The following TRAFD1 variants were observed in gnomAD, a reference collection of about 807,000 sequenced individuals.
TRAFD1 encodes the protein TRAF-type zinc finger domain-containing protein 1.
Under a neutral mutation model 65.3 loss-of-function variants are expected in TRAFD1, and 38 were observed. The ratio of observed to expected loss-of-function variants is 0.58; its 90% CI spans 0.45 to 0.76. TRAFD1 has a LOEUF of 0.76. Among genes scored for constraint, TRAFD1 ranks in the 30% least tolerant of loss-of-function variants. The pLI is 0.00. For synonymous variants in TRAFD1, 223 were observed against 257.2 expected, an observed-to-expected ratio of 0.87 and a Z score of 1.27; for missense variants, 631 against 712.6, an observed-to-expected ratio of 0.89 and a Z score of 1.30.
rs1198711563 is a variant in TRAFD1, at chr12:112,148,307, A to C, written c.1158+3A>C. 1 of 1,613,634 alleles carries C rather than the reference A, an allele frequency of 6.2e-7. No individual in the cohort carries two copies. Among genetic ancestry groups the C allele is most frequent in the Non-Finnish European group, 8.5e-7 (1 of 1,179,722 alleles). On this transcript the variant is annotated splice_donor_region_variant and intron_variant, in intron 8 of 11. Coordinates refer to ENST00000412615, the MANE Select transcript of TRAFD1 (RefSeq NM_006700.3). ...AGGAGGTGCTGTTCCATCACCAGGT[A>C]AGGGTCCCTGGAGTCCCTGTCCATG...
rs754722874 is a variant in TRAFD1, at chr12:112,142,240, C to G, written c.795C>G (p.Ala265=). Residue 265 remains alanine (A), a synonymous_variant, in exon 6 of 12, where the codon GCC becomes GCG. Coordinates refer to ENST00000412615, the MANE Select transcript of TRAFD1 (RefSeq NM_006700.3). Reference sequence around the variant, plus strand: ...TGGCAGAGCAGGACTTCTGGAGGGCCGTATGTGAGGCCGACCAGTCTCATG... The same window carrying G: ...TGGCAGAGCAGGACTTCTGGAGGGCGGTATGTGAGGCCGACCAGTCTCATG... ...SSVAEQDFWR[A]VCEADQSHGG... is the part of the protein sequence containing the mutation. 2 of 1,613,814 alleles carry G rather than the reference C, an allele frequency of 1.2e-6. No homozygotes were observed. Among genetic ancestry groups the G allele is most frequent in the Non-Finnish European group, 1.7e-6 (2 of 1,179,890 alleles).
intron 1 of TRAFD1, among the ~76,000 whole-genome samples, chr12:112,128,928 C>T (rs1359394096): frequency 6.6e-6 from 1 of 150,630 alleles, no homozygotes; most frequent in Non-Finnish European, 1.5e-5. Context: ...GTGGTCCCAG[C>T]TACTCAGGAG....
At chr12:112,136,621 CACA>C (rs1407307641) in intron 4 of TRAFD1, among the ~76,000 whole-genome samples, 4 of 152,006 alleles carry the variant, frequency 2.6e-5, no homozygotes, top group Non-Finnish European at 5.9e-5. Flanking sequence ...TTTTAAGAGA[CACA>C]GTCTCACTCT....
intron 6 of TRAFD1, 108 bp from the exon 7 acceptor site, chr12:112,145,478 C>G: frequency 4.6e-6 from 5 of 1,091,642 alleles, no homozygotes; most frequent in Non-Finnish European, 6.7e-6. Flanking sequence ...CTATAAGAAA[C>G]ATTAAAGAAA....
intron 6 of TRAFD1, 72 bp downstream of exon 6, chr12:112,142,367 A>G (rs531418899): frequency 1.4e-6 from 2 of 1,474,872 alleles, no homozygotes; most frequent in African/African-American, 1.4e-5. Flanking sequence ...CAATTCTTAT[A>G]CAATTGAAAG....
chr12:112,148,040 T>C (rs1019026817), intron 7 of TRAFD1, 34 bp from the exon 8 acceptor site: 5 of 1,553,494 alleles, frequency 3.2e-6, no homozygotes, highest in African/African-American at 1.4e-5. Context: ...TAACCTCTGA[T>C]TCTTGTTTTT....
At chr12:112,151,270 A>G (rs1384408951) in intron 9 of TRAFD1, among the ~76,000 whole-genome samples, 1 of 152,148 alleles carries the variant, frequency 6.6e-6, no homozygotes, top group Non-Finnish European at 1.5e-5. Flanking sequence ...GTTTGCTTGC[A>G]CACTATTGTT....
At chr12:112,133,336 A>T (rs988830218) in intron 2 of TRAFD1, 2 of 152,232 alleles carry the variant, frequency 1.3e-5, no homozygotes, top group African/African-American at 4.8e-5. Flanking sequence ...TGAGGCATAC[A>T]GGAGACAATT....
Position 112,153,330 on chromosome 12 carries a change from G to T in TRAFD1, c.*539G>T, listed in dbSNP as rs1185394288. 2 of 153,192 alleles carry T rather than the reference G, an allele frequency of 1.3e-5. No individual in the cohort carries two copies. Among genetic ancestry groups the T allele is most frequent in the Non-Finnish European group, 2.9e-5 (2 of 68,748 alleles). The allele number at this position is 153,192 out of a possible 1,614,324, so 9.5% of individuals were successfully genotyped here. The stretch of plus-strand genomic sequence containing the variant: ...AGGCTTTTGATGTGTTGAGCTGGAG[G>T]TGAGTGGACCGGGGGCTGTGTTTTA... On this transcript the variant is annotated 3_prime_UTR_variant, in exon 12 of 12. Coordinates refer to ENST00000412615, the MANE Select transcript of TRAFD1 (RefSeq NM_006700.3).
chr12:112,130,394 T>C lies in TRAFD1; in HGVS notation c.-12-117T>C. ...GGGACTGGATATTGAATAAAATGCT[T>C]TAACATGCAGGTTTGGGTGACAGTT... On this transcript the variant is annotated intron_variant, in intron 1 of 11. Transcript: ENST00000412615. The surrounding 1 kb of genome is among the most constrained non-coding windows in gnomAD (Gnocchi z 4.4). 1 of 647,504 alleles carries C rather than the reference T, an allele frequency of 1.5e-6. No individual in the cohort carries two copies. The highest frequency in any genetic ancestry group is 2.6e-6 in the Non-Finnish European group (1 of 379,248). 40.1% of individuals were successfully genotyped at this position (647,504 alleles called of 1,614,324 possible). A position where few individuals can be genotyped will look rare whatever the true frequency, so the allele number is the denominator to read the frequency against.
At chr12:112,144,237 A>G (rs1178300792) in intron 6 of TRAFD1, among the ~76,000 whole-genome samples, 1 of 148,752 alleles carries the variant, frequency 6.7e-6, no homozygotes, top group Non-Finnish European at 1.5e-5. Flanking sequence ...AGATACTACC[A>G]TTAGGGGTAA....
chr12:112,134,541 C>T (rs1161835368), intron 2 of TRAFD1, among the ~76,000 whole-genome samples, 197 bp from the exon 3 acceptor site: 1 of 152,142 alleles, frequency 6.6e-6, no homozygotes, highest in African/African-American at 2.4e-5. Flanking sequence ...CAGGCATGAG[C>T]CACCGCGCCT....
At chr12:112,127,825 C>T (rs939020892) in intron 1 of TRAFD1, among the ~76,000 whole-genome samples, 2 of 151,854 alleles carry the variant, frequency 1.3e-5, no homozygotes, top group Non-Finnish European at 2.9e-5. Flanking sequence ...CCACCTGTCT[C>T]GGCCTCCCAA....
intron 4 of TRAFD1, among the ~76,000 whole-genome samples, chr12:112,136,833 T>A (rs1180630049): frequency 1.3e-5 from 2 of 152,216 alleles, no homozygotes; most frequent in African/African-American, 4.8e-5. Context: ...CCTCAAGTGA[T>A]CCTCCCTTCT....
chr12:112,149,541 C>A, intron 8 of TRAFD1: 1 of 539,776 alleles, frequency 1.9e-6, no homozygotes, highest in Non-Finnish European at 3.2e-6. Flanking sequence ...CATCCCTGCA[C>A]AAATCAGAAA....
rs373393335 is a variant in TRAFD1, at chr12:112,152,711, C to T, written c.1693-24C>T. 16 of 1,613,948 alleles carry T rather than the reference C, an allele frequency of 9.9e-6. No individual in the cohort carries two copies. The African/African-American group carries it at 1.1e-4, about 11-fold the overall frequency. ...CTTTTTCACTTTTTATGTAAAGCTT[C>T]GTTTGTGTTGTGTTGTTCACCAGGC... On this transcript the variant is annotated intron_variant, in intron 11 of 11. Transcript: ENST00000412615. This position sits in a 1 kb window ranked among gnomAD's most constrained non-coding sequence, Gnocchi z 5.0.
chr12:112,134,820 G>C lies in TRAFD1; in HGVS notation c.130G>C (p.Glu44Gln), dbSNP rs1241719754. Residue 44 changes from glutamate (E) to glutamine (Q), a missense_variant, in exon 3 of 12, where the codon GAA becomes CAA. Physicochemically the swap from Glu to Gln is conservative, Grantham distance 29 (BLOSUM62 2). Coordinates refer to ENST00000412615, the MANE Select transcript of TRAFD1 (RefSeq NM_006700.3). ...RNIGMCPTCK[E>Q]PFPKSDMETH... ...CATTGGTATGTGTCCTACCTGTAAG[G>C]AACCATTTCCCAAATCTGACATGGA... is the stretch of plus-strand genomic sequence containing the variant. 12 of 1,613,588 alleles carry C rather than the reference G, an allele frequency of 7.4e-6. No homozygotes were observed.
intron 1 of TRAFD1, among the ~76,000 whole-genome samples, chr12:112,126,557 T>TGA (rs1282811315): frequency 6.6e-6 from 1 of 152,124 alleles, no homozygotes; most frequent in African/African-American, 2.4e-5. Flanking sequence ...CTGCTACATC[T>TGA]GAGCTCTGGC....
intron 6 of TRAFD1, among the ~76,000 whole-genome samples, chr12:112,142,770 T>C (rs1207473698): frequency 6.6e-6 from 1 of 152,208 alleles, no homozygotes; most frequent in Non-Finnish European, 1.5e-5. Flanking sequence ...CAAAGGCACA[T>C]GATGAAGTAC....
Sources: gnomAD v4.1 joint callset for allele counts (sites outside exome capture counted in the v4.1 genomes callset) on GRCh38, gnomAD v4.1.1 for gene constraint, Gnocchi (gnomAD v3.1) non-coding constraint, MANE v1.5 for transcripts, NCBI Gene and HGNC (gene_info 2026-07-23, HGNC 2026-07-21) for gene names.